The following IGSF10 variants were observed in gnomAD, a reference collection of about 807,000 sequenced individuals.
The protein encoded by IGSF10 is immunoglobulin superfamily member 10, also known as calvaria mechanical force protein 608.
A neutral mutation model predicts 128.2 loss-of-function variants in IGSF10; 126 were observed. The ratio of observed to expected loss-of-function variants is 0.98; its 90% confidence interval spans 0.85 to 1.14. The LOEUF (loss-of-function observed/expected upper bound fraction) is 1.14. Ranked by LOEUF, IGSF10 falls within the 50% of genes most tolerant of loss-of-function variation. The pLI is 0.00. For missense variants in IGSF10, 3,295 were observed against 3,149.8 expected (o/e 1.05, Z -1.10); for synonymous variants, 1,185 against 1,146.2 (o/e 1.03, Z -0.68).
At chr3:151,478,470 T>TA in the IGSF10 span, among the ~76,000 whole-genome samples, 1 of 152,238 alleles carries the variant, frequency 6.6e-6, no homozygotes, top group Non-Finnish European at 1.5e-5. Context: ...AGCCATTGTG[T>TA]AATTTGGAGT....
chr3:151,510,704 T>TA, the IGSF10 span, among the ~76,000 whole-genome samples: 1 of 152,078 alleles, frequency 6.6e-6, no homozygotes, highest in African/African-American at 2.4e-5. Flanking sequence ...GCAAAGAAGT[T>TA]AAAAACTTTG....
chr3:151,588,019 A>G, the IGSF10 span, among the ~76,000 whole-genome samples: 3 of 152,210 alleles, frequency 2.0e-5, no homozygotes, highest in Admixed American at 2.0e-4. Context: ...CTAATAAAAC[A>G]TTTGAAGAAG....
At chr3:151,503,026 A>T in the IGSF10 span, among the ~76,000 whole-genome samples, 8 of 152,258 alleles carry the variant, frequency 5.3e-5, no homozygotes, top group East Asian at 3.9e-4. Context: ...TCACTCTCAG[A>T]GTAAATCAGA....
In IGSF10 at chr3:151,449,197, T is replaced by G. The variant is rs200132059; in HGVS notation, c.784A>C (p.Arg262=). 6.2e-7 allele frequency: 1 copy of G among 1,614,114 alleles called. No homozygotes were observed. Among genetic ancestry groups the G allele is most frequent in the Non-Finnish European group, 8.5e-7 (1 of 1,180,014 alleles). The part of the protein sequence containing the change: ...AQQCPLCMNP[R]TSKGKPLAMV... ...GCTAACGGCTTGCCTTTAGAAGTCC[T>G]AGGGTTCATGCAAAGTGGACACTGC... The change falls in exon 6 of 8, where the codon AGG becomes CGG. Residue 262 remains arginine (R), a synonymous_variant. Transcript: ENST00000282466.
the IGSF10 span, among the ~76,000 whole-genome samples, chr3:151,484,729 C>CAA: frequency 0.028 from 3,658 of 131,576 alleles, 69 homozygotes; most frequent in Middle Eastern, 0.056. Context: ...GGAAAACTGA[C>CAA]AAAAAAAAAA....
chr3:151,553,532 A>T, the IGSF10 span, among the ~76,000 whole-genome samples: 2 of 152,004 alleles, frequency 1.3e-5, no homozygotes, highest in African/African-American at 4.8e-5. Context: ...AATCACTATC[A>T]CAGATTCTTA....
chr3:151,442,080 A>G (rs1302070864), intron 7 of IGSF10, among the ~76,000 whole-genome samples: 2 of 152,202 alleles, frequency 1.3e-5, no homozygotes, highest in African/African-American at 4.8e-5. Context: ...ATATATTCAT[A>G]TGCCTATAAC....
At chr3:151,604,669 G>A in the IGSF10 span, among the ~76,000 whole-genome samples, 1 of 150,628 alleles carries the variant, frequency 6.6e-6, no homozygotes, top group South Asian at 2.1e-4. Context: ...TATTTTTACT[G>A]TCCTCAAAAC....
At chr3:151,497,246 A>T in the IGSF10 span, among the ~76,000 whole-genome samples, 16 of 152,128 alleles carry the variant, frequency 1.1e-4, no homozygotes, top group East Asian at 3.9e-4. Context: ...ATGAAGTCCT[A>T]GCCCATGCCT....
chr3:151,465,197 G>C (rs62284465), upstream of IGSF10, among the ~76,000 whole-genome samples: 2 of 152,204 alleles, frequency 1.3e-5, no homozygotes, highest in Non-Finnish European at 2.9e-5. Flanking sequence ...GAATAAAAGA[G>C]AGGATGGATG....
chr3:151,438,308 G>A lies in IGSF10; in HGVS notation c.6253C>T (p.Gln2085Ter). The change falls in exon 8 of 8, where the codon CAA (glutamine) becomes TAA (stop). Residue 2085 changes from glutamine (Q) to a stop codon, truncating the protein, a stop_gained. Transcript: ENST00000282466. LOFTEE classifies it low-confidence loss of function (END_TRUNC). ...PDGTMINNAM[Q>*]ADDSGHRTRR... ...GTCCTGTGGCCACTGTCATCGGCTT[G>A]CATTGCATTGTTGATCATGGTTCCA... 6.2e-7 allele frequency: 1 copy of A among 1,613,998 alleles called. No homozygotes were observed.
In IGSF10 at chr3:151,445,588, A is replaced by G; in HGVS notation, c.4393T>C (p.Phe1465Leu). Residue 1465 changes from phenylalanine to leucine, a missense_variant, in exon 6 of 8, where the codon TTC (phenylalanine) becomes CTC (leucine). By Grantham distance (22) the Phe-to-Leu change is conservative. Coordinates refer to ENST00000282466, the MANE Select transcript of IGSF10 (RefSeq NM_178822.5). The stretch of plus-strand genomic sequence containing the variant: ...ATTAGAGTAGCACTGCTGCTCAAGA[A>G]TGGTGGTATGGTTGAGTGTCTAATG... ...AIIRHSTIPP[F>L]LSSSATLMPV... 1.2e-6 allele frequency: 2 copies of G among 1,614,068 alleles called. No individual in the cohort carries two copies. Among genetic ancestry groups the G allele is most frequent in the Non-Finnish European group, 1.7e-6 (2 of 1,179,940 alleles).
chr3:151,432,987 G>A (rs1425618986), downstream of IGSF10: 3 of 535,458 alleles, frequency 5.6e-6, no homozygotes, highest in African/African-American at 3.9e-5. Flanking sequence ...GAGAAGTTGT[G>A]GTTTGATTTT....
At chr3:151,557,392 A>G in the IGSF10 span, among the ~76,000 whole-genome samples, 1 of 152,134 alleles carries the variant, frequency 6.6e-6, no homozygotes, top group African/African-American at 2.4e-5. Flanking sequence ...TGTGATATGC[A>G]TCAATTTCCT....
chr3:151,606,610 T>G, the IGSF10 span, among the ~76,000 whole-genome samples: 1 of 152,182 alleles, frequency 6.6e-6, no homozygotes, highest in African/African-American at 2.4e-5. Context: ...ATTTGTTGGA[T>G]TCATTAGTTT....
chr3:151,597,361 A>G, the IGSF10 span, among the ~76,000 whole-genome samples: 283 of 152,334 alleles, frequency 1.9e-3, 2 homozygotes, highest in East Asian at 0.031. Flanking sequence ...AGCACTAAAA[A>G]GGGGCTTGGT....
At chr3:151,504,849 G>C in the IGSF10 span, among the ~76,000 whole-genome samples, 1 of 152,178 alleles carries the variant, frequency 6.6e-6, no homozygotes, top group African/African-American at 2.4e-5. Flanking sequence ...ATAAGATTTG[G>C]CTGAGACCTT....
chr3:151,474,206 T>G, the IGSF10 span, among the ~76,000 whole-genome samples: 1 of 152,264 alleles, frequency 6.6e-6, no homozygotes, highest in Admixed American at 6.5e-5. Context: ...ATACGTTTGG[T>G]GTTAAACAGA....
At chr3:151,615,285 A>C in the IGSF10 span, among the ~76,000 whole-genome samples, 1 of 152,084 alleles carries the variant, frequency 6.6e-6, no homozygotes, top group Non-Finnish European at 1.5e-5. Flanking sequence ...GTGTTTTTTC[A>C]CCTTTAATGT....
Sources: gnomAD v4.1 joint callset for allele counts (sites outside exome capture counted in the v4.1 genomes callset) on GRCh38, gnomAD v4.1.1 for gene constraint, MANE v1.5 for transcripts, NCBI Gene and HGNC (gene_info 2026-07-23, HGNC 2026-07-21) for gene names.